The following IGFBP3 variants were observed in gnomAD, a reference collection of about 807,000 sequenced individuals.
The protein encoded by IGFBP3 is insulin-like growth factor-binding protein 3.
In IGFBP3, 9 loss-of-function variants were observed where a neutral mutation model predicts 28.6. The ratio of observed to expected loss-of-function variants is 0.31; its 90% confidence interval spans 0.19 to 0.55. The LOEUF (loss-of-function observed/expected upper bound fraction) is 0.55, where lower values mean the gene tolerates loss of function less well. Ranked by LOEUF, IGFBP3 falls within the 20% of genes least tolerant of loss-of-function variation. The pLI is 0.93. For missense variants in IGFBP3, 382 were observed against 428.9 expected (o/e 0.89, Z 0.97); for synonymous variants, 185 against 188.2 (o/e 0.98, Z 0.14).
intron 1 of IGFBP3, chr7:45,920,384 C>T (rs1379368723): frequency 3.7e-6 from 1 of 267,698 alleles, no homozygotes; most frequent in Non-Finnish European, 7.0e-6. Flanking sequence ...GGATTGCAGT[C>T]CGTGTGCACC....
At chr7:45,914,639 C>A in intron 4 of IGFBP3, 166 bp downstream of exon 4, 3 of 608,910 alleles carry the variant, frequency 4.9e-6, no homozygotes, top group Admixed American at 6.2e-5. Context: ...CCTCTCCCTG[C>A]ACCCTTCTGA....
chr7:45,918,502 G>C (rs1784643001), intron 1 of IGFBP3, among the ~76,000 whole-genome samples: 1 of 152,170 alleles, frequency 6.6e-6, no homozygotes, highest in South Asian at 2.1e-4. Context: ...GACCGCTATG[G>C]GGATCAAAGG....
Position 45,912,671 on chromosome 7 carries a change from T to C in IGFBP3, c.*1179A>G, listed in dbSNP as rs1420553417. ...GTTGTATCATATAGCATCTCTAACA[T>C]TTCATCTAGGATTATCTAGTATAGA... is the stretch of plus-strand genomic sequence containing the variant. On this transcript the variant is annotated 3_prime_UTR_variant, in exon 5 of 5. Coordinates refer to ENST00000613132, the MANE Select transcript of IGFBP3 (RefSeq NM_000598.5). 1 of 152,620 alleles carries C rather than the reference T, an allele frequency of 6.6e-6. No homozygotes were observed. The highest frequency in any genetic ancestry group is 1.5e-5 in the Non-Finnish European group (1 of 68,036). 9.5% of individuals were successfully genotyped at this position (152,620 alleles called of 1,614,324 possible).
intron 3 of IGFBP3, 61 bp from the exon 4 acceptor site, chr7:45,915,006 G>T (rs1784591060): frequency 1.9e-6 from 3 of 1,592,988 alleles, no homozygotes; most frequent in Non-Finnish European, 1.7e-6. Context: ...TCAGGTCGGT[G>T]GCCAGGGCGC....
intron 3 of IGFBP3, among the ~76,000 whole-genome samples, chr7:45,916,136 GTGGTATGACCTCA>G (rs1000732540): frequency 2.0e-5 from 3 of 152,324 alleles, no homozygotes; most frequent in African/African-American, 7.2e-5. Flanking sequence ...TAAGCTTTTT[GTGGTATGACCTCA>G]TGTCACACTT....
intron 1 of IGFBP3, chr7:45,920,075 T>G (rs984436630): frequency 5.9e-5 from 9 of 152,116 alleles, no homozygotes; most frequent in African/African-American, 1.9e-4. Flanking sequence ...GCCCGAGTTG[T>G]AAGAATGGTA....
chr7:45,916,990 C>A, intron 2 of IGFBP3: 1 of 586,460 alleles, frequency 1.7e-6, no homozygotes, highest in Non-Finnish European at 3.0e-6. Flanking sequence ...ATCCCATATG[C>A]TTTTAAGAGT....
chr7:45,914,778 C>T, intron 4 of IGFBP3, 27 bp downstream of exon 4: 1 of 1,608,896 alleles, frequency 6.2e-7, no homozygotes, highest in African/African-American at 1.3e-5. Flanking sequence ...GCCCTGGAGC[C>T]CCAGGCTGCC....
chr7:45,915,649 G>A (rs1784599531), intron 3 of IGFBP3, among the ~76,000 whole-genome samples: 1 of 100,244 alleles, frequency 1.0e-5, no homozygotes, highest in Non-Finnish European at 2.2e-5. Context: ...GGGATTTTAG[G>A]CATATGACTA....
rs189955040 is a variant in IGFBP3 at position 45,915,077 on chromosome 7, G to C, written c.751-132C>G. Reference sequence around the variant, plus strand: ...AAAGCACAACAGAAATTTCAGCTAAGGCAACACAAGAGCCATGCGTGCCTA... The same window carrying C: ...AAAGCACAACAGAAATTTCAGCTAACGCAACACAAGAGCCATGCGTGCCTA... On this transcript the variant is annotated intron_variant, in intron 3 of 4. Transcript: ENST00000613132. 7.0e-4 allele frequency: 774 copies of C among 1,110,690 alleles called. 5 individuals carry two copies. The African/African-American group carries it at 0.011, about 16-fold the overall frequency. 68.8% of individuals were successfully genotyped at this position (1,110,690 alleles called of 1,614,324 possible).
At chr7:45,918,022 A>G (rs961898492) in intron 1 of IGFBP3, among the ~76,000 whole-genome samples, 3 of 152,260 alleles carry the variant, frequency 2.0e-5, no homozygotes, top group Non-Finnish European at 4.4e-5. Context: ...TGTCCAGCTC[A>G]GATGGGAAAA....
At position 45,920,813 on chromosome 7, in the gene IGFBP3, C is replaced by T. The variant is rs937884224; in HGVS notation, c.328G>A (p.Gly110Ser). 9.9e-5 allele frequency: 139 copies of T among 1,404,310 alleles called. No individual in the cohort carries two copies. The highest frequency in any genetic ancestry group is 1.2e-4 in the Non-Finnish European group (129 of 1,088,122). The allele number at this position is 1,404,310 out of a possible 1,614,324, so 87.0% of individuals were successfully genotyped here. A position where few individuals can be genotyped will look rare whatever the true frequency, so the allele number is the denominator to read the frequency against. ...EARPLQALLD[G>S]RGLCVNASAV... Reference sequence around the variant, plus strand: ...CTAGCGTTGACGCAGAGCCCGCGGCCGTCCAGCAGCGCCTGCAGCGGTCGC... The same window carrying T: ...CTAGCGTTGACGCAGAGCCCGCGGCTGTCCAGCAGCGCCTGCAGCGGTCGC... Residue 110 changes from glycine (G) to serine (S), a missense_variant, in exon 1 of 5, where the codon GGC (glycine) becomes AGC (serine). Gly to Ser is a moderately conservative substitution (Grantham distance 56). Transcript: ENST00000613132.
At position 45,917,405 on chromosome 7, in the gene IGFBP3, G is replaced by A. The variant is rs753224064; in HGVS notation, c.438C>T (p.Ala146=). The change falls in exon 2 of 5, where the codon GCC becomes GCT. Residue 146 remains alanine (A), a synonymous_variant. Transcript: ENST00000613132. ...AGACGGACGGGCTCTCCACACTGCC[G>A]GCGCTGCGGTCTTCCTCCGACTCAC... ...NASESEEDRS[A]GSVESPSVSS... 21 of 1,613,444 alleles carry A rather than the reference G, an allele frequency of 1.3e-5. No homozygotes were observed. Among genetic ancestry groups the A allele is most frequent in the South Asian group, 2.2e-5 (2 of 91,008 alleles).
Position 45,912,335 on chromosome 7 carries a change from T to C in IGFBP3, c.*1515A>G, listed in dbSNP as rs1334225721. 6.6e-6 allele frequency: 1 copy of C among 151,792 alleles called. No individual in the cohort carries two copies. The highest frequency in any genetic ancestry group is 1.5e-5 in the Non-Finnish European group (1 of 67,936). The allele number at this position is 151,792 out of a possible 1,614,324, so 9.4% of individuals were successfully genotyped here. A position where few individuals can be genotyped will look rare whatever the true frequency, so the allele number is the denominator to read the frequency against. On this transcript the variant is annotated 3_prime_UTR_variant, in exon 5 of 5. Coordinates refer to ENST00000613132, the MANE Select transcript of IGFBP3 (RefSeq NM_000598.5). ...TGATACAAAGCCCAGAGATGGTCAATAACAAAGGGAAAGATATTTTTTTAA... is the reference window on the plus strand; with the variant it reads ...TGATACAAAGCCCAGAGATGGTCAACAACAAAGGGAAAGATATTTTTTTAA...
At chr7:45,915,111 G>A (rs1784592574) in intron 3 of IGFBP3, 166 bp from the exon 4 acceptor site, 2 of 705,672 alleles carry the variant, frequency 2.8e-6, no homozygotes, top group South Asian at 1.8e-5. Flanking sequence ...TAGGCCCGCT[G>A]AGTGTGCGCC....
intron 1 of IGFBP3, 46 bp from the exon 2 acceptor site, chr7:45,917,485 T>C (rs1784625146): frequency 7.0e-7 from 1 of 1,435,946 alleles, no homozygotes; most frequent in Non-Finnish European, 9.5e-7. Flanking sequence ...CATCAATATC[T>C]ATCACAGTCT....
At position 45,920,745 on chromosome 7, in the gene IGFBP3, T is replaced by G. The variant is rs1406526458; in HGVS notation, c.396A>C (p.Pro132=). Residue 132 remains proline (P), a synonymous_variant, in exon 1 of 5, where the codon CCA becomes CCC. Coordinates refer to ENST00000613132, the MANE Select transcript of IGFBP3 (RefSeq NM_000598.5). ...RLRAYLLPAP[P]APGNASESEE... is the part of the protein sequence containing the mutation. ...CTGGCGCGGGCGGCTCACCTGGAGCTGGCGGCGCTGGCAGCAGGTAGGCGC... is the reference window on the plus strand; with the variant it reads ...CTGGCGCGGGCGGCTCACCTGGAGCGGGCGGCGCTGGCAGCAGGTAGGCGC... 2.1e-6 allele frequency: 3 copies of G among 1,413,940 alleles called. No homozygotes were observed. Among genetic ancestry groups the G allele is most frequent in the South Asian group, 1.5e-5 (1 of 66,788 alleles). 87.6% of individuals were successfully genotyped at this position (1,413,940 alleles called of 1,614,324 possible). A position where few individuals can be genotyped will look rare whatever the true frequency, so the allele number is the denominator to read the frequency against.
intron 3 of IGFBP3, 168 bp from the exon 4 acceptor site, chr7:45,915,113 G>A: frequency 1.5e-6 from 1 of 674,626 alleles, no homozygotes; most frequent in Non-Finnish European, 2.5e-6. Flanking sequence ...GGCCCGCTGA[G>A]TGTGCGCCTG....
At chr7:45,919,770 A>G (rs1050112425) in intron 1 of IGFBP3, among the ~76,000 whole-genome samples, 3 of 152,152 alleles carry the variant, frequency 2.0e-5, no homozygotes, top group Non-Finnish European at 4.4e-5. Context: ...CCATTTAAAC[A>G]ACCCCCGCTC....
Sources: allele counts gnomAD v4.1 joint callset (sites outside exome capture counted in the v4.1 genomes callset), GRCh38; gene constraint gnomAD v4.1.1; transcripts MANE v1.5; gene names NCBI Gene and HGNC (gene_info 2026-07-23, HGNC 2026-07-21).